SLC38A1: variants seen among roughly 807,000 people sequenced by gnomAD.
SLC38A1 encodes sodium-coupled neutral amino acid symporter 1.
A neutral mutation model predicts 60.3 loss-of-function variants in SLC38A1; 18 were observed. The ratio of observed to expected loss-of-function variants is 0.30; its 90% CI spans 0.21 to 0.44. The LOEUF is 0.44. SLC38A1 is among the 20% of genes least tolerant of loss of function. The pLI, the probability that SLC38A1 is intolerant of heterozygous loss-of-function variation, is 1.00. For synonymous variants in SLC38A1, 196 were observed against 212.1 expected (o/e 0.92, Z 0.66); for missense variants, 448 against 587.2 (o/e 0.76, Z 2.45).
At chr12:46,208,579 G>GT (rs1211888118) in intron 6 of SLC38A1, among the ~76,000 whole-genome samples, 2 of 152,118 alleles carry the variant, frequency 1.3e-5, no homozygotes, top group African/African-American at 4.8e-5. Context: ...AACACTTCAG[G>GT]TATTACACTG....
chr12:46,192,457 A>C (rs1939185456), intron 16 of SLC38A1, among the ~76,000 whole-genome samples: 2 of 152,202 alleles, frequency 1.3e-5, no homozygotes, highest in African/African-American at 4.8e-5. Flanking sequence ...AAAATGAGTT[A>C]GGGAGGATTC....
chr12:46,240,796 A>C (rs1422086503), intron 2 of SLC38A1, among the ~76,000 whole-genome samples: 1 of 152,198 alleles, frequency 6.6e-6, no homozygotes, highest in Non-Finnish European at 1.5e-5. Context: ...CTCATACTCA[A>C]AGGATTTGGT....
intron 14 of SLC38A1, among the ~76,000 whole-genome samples, chr12:46,198,314 A>G (rs1939482279): frequency 6.6e-6 from 1 of 152,162 alleles, no homozygotes; most frequent in Non-Finnish European, 1.5e-5. Flanking sequence ...TAAGACTTGA[A>G]TGTTCATTTC....
At chr12:46,208,059 T>C (rs1939988353) in intron 6 of SLC38A1, among the ~76,000 whole-genome samples, 1 of 152,214 alleles carries the variant, frequency 6.6e-6, no homozygotes, top group Non-Finnish European at 1.5e-5. Flanking sequence ...AACAAGGAAT[T>C]ATCTTAATAA....
chr12:46,262,980 C>A (rs948185954), intron 1 of SLC38A1, among the ~76,000 whole-genome samples: 3 of 152,126 alleles, frequency 2.0e-5, no homozygotes, highest in Non-Finnish European at 4.4e-5. Flanking sequence ...TACACTATTT[C>A]TTAATGAATC....
intron 3 of SLC38A1, among the ~76,000 whole-genome samples, chr12:46,232,605 G>A (rs1282477315): frequency 6.6e-6 from 1 of 152,218 alleles, no homozygotes; most frequent in Non-Finnish European, 1.5e-5. Context: ...TAAGAAAAGT[G>A]GGGACTGGAC....
At chr12:46,258,717 G>A (rs960409562) in intron 1 of SLC38A1, among the ~76,000 whole-genome samples, 16 of 152,284 alleles carry the variant, frequency 1.1e-4, no homozygotes, top group Non-Finnish European at 2.2e-4. Context: ...GTAGTGATGA[G>A]ATCTCTGCTC....
intron 1 of SLC38A1, among the ~76,000 whole-genome samples, chr12:46,246,842 G>T (rs902366728): frequency 2.0e-5 from 3 of 152,160 alleles, no homozygotes; most frequent in African/African-American, 7.2e-5. Flanking sequence ...TTGCTGTTCT[G>T]CAATATTTGC....
At chr12:46,216,683 T>C (rs1940428019) in intron 5 of SLC38A1, among the ~76,000 whole-genome samples, 1 of 152,144 alleles carries the variant, frequency 6.6e-6, no homozygotes. Context: ...AAACCCCGTA[T>C]CTACGTTATC....
At chr12:46,243,664 T>G (rs1941519174) in intron 1 of SLC38A1, among the ~76,000 whole-genome samples, 1 of 152,134 alleles carries the variant, frequency 6.6e-6, no homozygotes, top group Non-Finnish European at 1.5e-5. Context: ...AGAACTATAG[T>G]TTCACTGAAA....
In SLC38A1 at chr12:46,196,960, A is replaced by G. The variant is rs1461287357; in HGVS notation, c.1362+760T>C. On this transcript the variant is annotated intron_variant, in intron 16 of 16. Coordinates refer to ENST00000398637, the MANE Select transcript of SLC38A1 (RefSeq NM_030674.4). ...TATCTGTCAAATAATAAAAAAGACT[A>G]TTTAAGCTAACTCAGACATTTTAAT... 2.0e-5 allele frequency among the ~76,000 whole-genome samples: 3 copies of G among 152,236 alleles called. No individual in the cohort carries two copies. In the East Asian group the frequency reaches 5.8e-4, roughly 29 times the overall value.
At chr12:46,256,636 C>CAGAGAGAGAGAGAGAGAGAGAG (rs1555192390) in intron 1 of SLC38A1, among the ~76,000 whole-genome samples, 1 of 123,204 alleles carries the variant, frequency 8.1e-6, no homozygotes, top group Non-Finnish European at 1.6e-5. Context: ...CACACACACA[C>CAGAGAGAGAGAGAGAGAGAGAG]AGAGAGAGAG....
intron 1 of SLC38A1, among the ~76,000 whole-genome samples, chr12:46,244,701 G>T (rs1941556137): frequency 6.6e-6 from 1 of 152,188 alleles, no homozygotes; most frequent in African/African-American, 2.4e-5. Context: ...TTTAACCTTA[G>T]CAAGCCAGTT....
intron 5 of SLC38A1, among the ~76,000 whole-genome samples, chr12:46,220,313 ACT>A (rs1192760567): frequency 6.6e-6 from 1 of 151,982 alleles, no homozygotes; most frequent in African/African-American, 2.4e-5. Flanking sequence ...CAAACAACAG[ACT>A]CTGATGTCAA....
At chr12:46,250,725 G>A (rs550229846) in intron 1 of SLC38A1, among the ~76,000 whole-genome samples, 32 of 152,264 alleles carry the variant, frequency 2.1e-4, no homozygotes, top group African/African-American at 7.2e-4. Flanking sequence ...CAAATCATGA[G>A]TGAACTCCCA....
chr12:46,230,068 T>G (rs1478461529), intron 3 of SLC38A1, among the ~76,000 whole-genome samples: 1 of 152,168 alleles, frequency 6.6e-6, no homozygotes, highest in African/African-American at 2.4e-5. Flanking sequence ...AAGTGGAAAA[T>G]TAGATAATAT....
chr12:46,226,617 C>CTTTTTTT (rs199599486), intron 5 of SLC38A1, among the ~76,000 whole-genome samples: 1 of 122,984 alleles, frequency 8.1e-6, no homozygotes. Context: ...CATGGATTTC[C>CTTTTTTT]TTTTTTTTTT....
intron 3 of SLC38A1, among the ~76,000 whole-genome samples, chr12:46,230,178 C>T (rs1241950668): frequency 6.6e-6 from 1 of 152,212 alleles, no homozygotes; most frequent in Non-Finnish European, 1.5e-5. Flanking sequence ...GAAATTCCCT[C>T]TCCCTTGCAG....
chr12:46,214,380 G>T (rs4768107), intron 5 of SLC38A1, among the ~76,000 whole-genome samples: 129,726 of 152,288 alleles, frequency 0.85, 55,546 homozygotes, highest in African/African-American at 0.94. Flanking sequence ...TCTAAACATC[G>T]ATTTGAAAAA....
Sources: gnomAD v4.1 joint callset for allele counts (sites outside exome capture counted in the v4.1 genomes callset) on GRCh38, gnomAD v4.1.1 for gene constraint, MANE v1.5 for transcripts, NCBI Gene and HGNC (gene_info 2026-07-23, HGNC 2026-07-21) for gene names.